Variants in CRACDL observed in about 807,000 individuals in gnomAD.
The protein encoded by CRACDL is CRACD-like protein.
A neutral mutation model predicts 70.6 loss-of-function variants in CRACDL; 26 were observed. The ratio of observed to expected loss-of-function variants is 0.37; its 90% CI spans 0.27 to 0.51. CRACDL has a LOEUF of 0.51. Among genes scored for constraint, CRACDL ranks in the 20% least tolerant of loss-of-function variants. The probability of loss-of-function intolerance (pLI) is 0.94; values close to 1 mark genes in which losing one functional copy is unlikely to be tolerated. For missense variants in CRACDL, 1,283 were observed against 1,376.9 expected (o/e 0.93, Z 1.08); for synonymous variants, 618 against 615.2 (o/e 1.00, Z -0.07).
intron 1 of CRACDL, among the ~76,000 whole-genome samples, chr2:98,896,896 T>A (rs1488600610): frequency 6.6e-6 from 1 of 152,176 alleles, no homozygotes; most frequent in East Asian, 1.9e-4. Flanking sequence ...ATGACTGTAC[T>A]CTCTCTCCCT....
At chr2:98,917,744 A>G (rs1708702528) in intron 1 of CRACDL, among the ~76,000 whole-genome samples, 2 of 152,140 alleles carry the variant, frequency 1.3e-5, no homozygotes, top group African/African-American at 4.8e-5. Flanking sequence ...CCATCACCCA[A>G]ACATTGTACC....
chr2:98,832,830 AC>A, intron 4 of CRACDL, 31 bp downstream of exon 4: 1 of 1,611,558 alleles, frequency 6.2e-7, no homozygotes, highest in Non-Finnish European at 8.5e-7. Flanking sequence ...TTTGACTTGC[AC>A]ACCAGGCGAC....
chr2:98,802,356 C>T (rs956546415), intron 7 of CRACDL, among the ~76,000 whole-genome samples: 2 of 152,222 alleles, frequency 1.3e-5, no homozygotes, highest in Non-Finnish European at 2.9e-5. Context: ...ACACACTGCC[C>T]GAGATGAGAG....
chr2:98,795,428 G>GAT (rs1703777826), intron 9 of CRACDL, among the ~76,000 whole-genome samples: 2 of 152,036 alleles, frequency 1.3e-5, no homozygotes, highest in Middle Eastern at 3.2e-3. Context: ...TCTTGAAGAT[G>GAT]CTATGCTCAG....
chr2:98,888,413 T>C (rs972250798), intron 1 of CRACDL, among the ~76,000 whole-genome samples: 1 of 152,240 alleles, frequency 6.6e-6, no homozygotes, highest in Admixed American at 6.5e-5. Context: ...AGCAAAGTTT[T>C]TGTATATTAT....
intron 1 of CRACDL, among the ~76,000 whole-genome samples, chr2:98,908,148 T>A (rs1708460324): frequency 6.6e-6 from 1 of 152,220 alleles, no homozygotes; most frequent in Non-Finnish European, 1.5e-5. Context: ...GAGCTGCCAG[T>A]ACCCTGGAGC....
intron 5 of CRACDL, among the ~76,000 whole-genome samples, chr2:98,827,533 G>A (rs1248891510): frequency 1.3e-5 from 2 of 152,144 alleles, no homozygotes; most frequent in African/African-American, 2.4e-5. Context: ...CTTGTGATCC[G>A]CCCGCCTTGG....
intron 1 of CRACDL, among the ~76,000 whole-genome samples, chr2:98,895,329 G>A (rs1708090921): frequency 6.6e-6 from 1 of 152,204 alleles, no homozygotes; most frequent in Non-Finnish European, 1.5e-5. Flanking sequence ...TGCTGGGATA[G>A]AAGGATTGGT....
chr2:98,839,672 C>G (rs530554007), intron 2 of CRACDL, among the ~76,000 whole-genome samples: 57 of 152,330 alleles, frequency 3.7e-4, no homozygotes, highest in African/African-American at 1.3e-3. Flanking sequence ...TCTTCTCCTA[C>G]TAGGCTTTGT....
chr2:98,858,962 G>A (rs1222916383), intron 1 of CRACDL, among the ~76,000 whole-genome samples: 1 of 152,152 alleles, frequency 6.6e-6, no homozygotes, highest in Non-Finnish European at 1.5e-5. Flanking sequence ...AGTTTGAATA[G>A]ACTTATAATA....
chr2:98,928,465 T>C (rs1708989652), intron 1 of CRACDL, among the ~76,000 whole-genome samples: 1 of 152,160 alleles, frequency 6.6e-6, no homozygotes, highest in Non-Finnish European at 1.5e-5. Context: ...GGGAAATCTC[T>C]AGTCTGTTCA....
chr2:98,917,527 A>G (rs1238304378), intron 1 of CRACDL, among the ~76,000 whole-genome samples: 2 of 152,212 alleles, frequency 1.3e-5, no homozygotes, highest in African/African-American at 4.8e-5. Flanking sequence ...CACACCACAA[A>G]TTTGTCAATT....
intron 1 of CRACDL, among the ~76,000 whole-genome samples, chr2:98,921,038 C>G (rs772666226): frequency 1.3e-5 from 2 of 152,184 alleles, no homozygotes; most frequent in Non-Finnish European, 2.9e-5. Flanking sequence ...GCATGCCAGC[C>G]CTGCTCAGCC....
At chr2:98,832,824 A>G (rs771341038) in intron 4 of CRACDL, 38 bp downstream of exon 4, 34 of 1,611,168 alleles carry the variant, frequency 2.1e-5, no homozygotes, top group East Asian at 4.5e-5. Flanking sequence ...TGGATATTTG[A>G]CTTGCACACC....
intron 1 of CRACDL, among the ~76,000 whole-genome samples, chr2:98,852,855 G>C (rs982784997): frequency 6.6e-6 from 1 of 151,400 alleles, no homozygotes; most frequent in Non-Finnish European, 1.5e-5. Context: ...AGTATTGATT[G>C]GTCTAACATA....
chr2:98,801,978 C>T (rs572024544), intron 7 of CRACDL, among the ~76,000 whole-genome samples: 148 of 152,340 alleles, frequency 9.7e-4, no homozygotes, highest in Non-Finnish European at 1.5e-3. Context: ...AACGAGCCCT[C>T]GTGGCTGTTG....
chr2:98,930,615 A>C (rs59918524), intron 1 of CRACDL, among the ~76,000 whole-genome samples: 1 of 147,168 alleles, frequency 6.8e-6, no homozygotes, highest in Non-Finnish European at 1.5e-5. Flanking sequence ...GTCCTGTGTC[A>C]CCTACCCCTC....
chr2:98,797,966 C>T (rs1703901903), intron 7 of CRACDL, among the ~76,000 whole-genome samples: 1 of 152,180 alleles, frequency 6.6e-6, no homozygotes, highest in Admixed American at 6.5e-5. Flanking sequence ...CATAACCTTC[C>T]CTTTCTGGAG....
intron 1 of CRACDL, among the ~76,000 whole-genome samples, chr2:98,876,438 C>T (rs1707490653): frequency 6.6e-6 from 1 of 152,126 alleles, no homozygotes; most frequent in Admixed American, 6.5e-5. Context: ...GCAAACATTA[C>T]CCTCTGAACT....
Sources: gnomAD v4.1 joint callset for allele counts (sites outside exome capture counted in the v4.1 genomes callset) on GRCh38, gnomAD v4.1.1 for gene constraint, MANE v1.5 for transcripts, NCBI Gene and HGNC (gene_info 2026-07-23, HGNC 2026-07-21) for gene names.